The following ZFP2 variants were observed in gnomAD, a reference collection of about 807,000 sequenced individuals.
ZFP2 encodes zinc finger protein ZFP2.
A neutral mutation model predicts 36.1 loss-of-function variants in ZFP2; 33 were observed. That is an observed-to-expected ratio of 0.92 (90% CI 0.69 to 1.22). The LOEUF (loss-of-function observed/expected upper bound fraction) is 1.22. Ranked by LOEUF, ZFP2 falls within the 50% of genes most tolerant of loss-of-function variation. The probability of loss-of-function intolerance (pLI) is 0.00; values close to 1 mark genes in which losing one functional copy is unlikely to be tolerated. For synonymous variants in ZFP2, 170 were observed against 178.0 expected, an observed-to-expected ratio of 0.96 and a Z score of 0.36; for missense variants, 522 against 551.4, an observed-to-expected ratio of 0.95 and a Z score of 0.53.
At chr5:178,930,989 T>C (rs1258673256) in intron 4 of ZFP2, among the ~76,000 whole-genome samples, 2 of 152,348 alleles carry the variant, frequency 1.3e-5, no homozygotes, top group Admixed American at 1.3e-4. Flanking sequence ...CTCACTCTTT[T>C]CTCTGCTTAT....
intron 3 of ZFP2, 127 bp downstream of exon 3, chr5:178,913,198 A>G: frequency 3.0e-6 from 1 of 331,016 alleles, no homozygotes; most frequent in Non-Finnish European, 4.3e-6. Context: ...CCTCCGCATT[A>G]CTGATGGGCC....
At position 178,911,573 on chromosome 5, in the gene ZFP2, G is replaced by A. The variant is rs115211994; in HGVS notation, c.-449-1011G>A. 1.6e-3 allele frequency among the ~76,000 whole-genome samples: 242 copies of A among 152,240 alleles called. 1 individual carries two copies. The highest frequency in any genetic ancestry group is 5.7e-3 in the African/African-American group (236 of 41,556). Reference sequence around the variant, plus strand: ...TGAGTATATGTGAAATAACTGTTACGTTATTAGTAAGGCTTCCAGTCAACA... The same window carrying A: ...TGAGTATATGTGAAATAACTGTTACATTATTAGTAAGGCTTCCAGTCAACA... On this transcript the variant is annotated intron_variant, in intron 1 of 4. Coordinates refer to ENST00000361362, the MANE Select transcript of ZFP2 (RefSeq NM_030613.4).
At chr5:178,901,520 T>A (rs971191393) in intron 1 of ZFP2, among the ~76,000 whole-genome samples, 1 of 152,216 alleles carries the variant, frequency 6.6e-6, no homozygotes, top group African/African-American at 2.4e-5. Flanking sequence ...TCTTTGGTGT[T>A]CCTTGGTTCA....
rs985598978 is a variant in ZFP2, at chr5:178,896,330, A to C, written c.-450+356A>C. ...GGTCAGGGAGGGGCCCAAGGTTCCA[A>C]GAGTCGCTCGGACCCGGGTTCCTCC... On this transcript the variant is annotated intron_variant, in intron 1 of 4. Transcript: ENST00000361362. Among the ~76,000 whole-genome samples, 5 of 152,322 alleles carry C rather than the reference A, an allele frequency of 3.3e-5. No homozygotes were observed. In the Middle Eastern group the frequency reaches 0.014, roughly 414 times the overall value.
chr5:178,908,484 T>C (rs1489769934), intron 1 of ZFP2, among the ~76,000 whole-genome samples: 1 of 151,318 alleles, frequency 6.6e-6, no homozygotes, highest in African/African-American at 2.4e-5. Context: ...ATTTCAACCA[T>C]GTAAATAGCG....
intron 4 of ZFP2, among the ~76,000 whole-genome samples, chr5:178,926,474 G>A (rs1195958753): frequency 6.6e-6 from 1 of 152,024 alleles, no homozygotes; most frequent in Non-Finnish European, 1.5e-5. Flanking sequence ...CCTGTACAGA[G>A]GTGAGGCAAC....
intron 4 of ZFP2, among the ~76,000 whole-genome samples, chr5:178,919,967 GA>G (rs34629379): frequency 0.23 from 33,490 of 145,604 alleles, 3,916 homozygotes; most frequent in Non-Finnish European, 0.25. Context: ...TGTCTCAAAA[GA>G]AAAAAAAAAA....
chr5:178,899,327 A>G (rs1158588707), intron 1 of ZFP2, among the ~76,000 whole-genome samples: 1 of 152,214 alleles, frequency 6.6e-6, no homozygotes, highest in African/African-American at 2.4e-5. Context: ...TTTAATAGTA[A>G]TAGCTACTTC....
chr5:178,904,781 C>A (rs1211450905), intron 1 of ZFP2, among the ~76,000 whole-genome samples: 1 of 144,666 alleles, frequency 6.9e-6, no homozygotes, highest in Non-Finnish European at 1.5e-5. Context: ...TGGCTCACTG[C>A]AACCTCTGCC....
At chr5:178,909,684 C>G (rs2113075207) in intron 1 of ZFP2, 1 of 1,475,588 alleles carries the variant, frequency 6.8e-7, no homozygotes, top group Middle Eastern at 2.0e-4. Flanking sequence ...CAGATCCTTG[C>G]TGCTGCTCCT....
At position 178,932,467 on chromosome 5, in the gene ZFP2, A is replaced by G. The variant is rs762817035; in HGVS notation, c.1154A>G (p.Asn385Ser). The change falls in exon 5 of 5, where the codon AAT (asparagine) becomes AGT (serine). Residue 385 changes from asparagine (N) to serine (S), a missense_variant. Coordinates refer to ENST00000361362, the MANE Select transcript of ZFP2 (RefSeq NM_030613.4). ...IHTGEKPYEC[N>S]ECGKAFSQSA... Reference sequence around the variant, plus strand: ...ACTGGAGAGAAACCTTATGAGTGCAATGAATGTGGAAAGGCATTCAGCCAG... The same window carrying G: ...ACTGGAGAGAAACCTTATGAGTGCAGTGAATGTGGAAAGGCATTCAGCCAG... 1.9e-6 allele frequency: 3 copies of G among 1,614,016 alleles called. No homozygotes were observed. The highest frequency in any genetic ancestry group is 1.6e-4 in the Middle Eastern group (1 of 6,068).
At chr5:178,909,493 C>A (rs1424110139) in intron 1 of ZFP2, among the ~76,000 whole-genome samples, 1 of 152,148 alleles carries the variant, frequency 6.6e-6, no homozygotes, top group East Asian at 1.9e-4. Context: ...AGCATTGGCC[C>A]CCTGGTCCCA....
intron 1 of ZFP2, among the ~76,000 whole-genome samples, chr5:178,910,847 C>T (rs1254735583): frequency 6.6e-6 from 1 of 152,186 alleles, no homozygotes; most frequent in Non-Finnish European, 1.5e-5. Flanking sequence ...CCACCACTGC[C>T]ACCGCCTCCT....
intron 1 of ZFP2, chr5:178,909,929 G>A (rs1758254817): frequency 1.4e-6 from 2 of 1,441,234 alleles, no homozygotes; most frequent in South Asian, 1.2e-5. Flanking sequence ...TCCTCAAGGG[G>A]TTCTCTGTTA....
In ZFP2 at chr5:178,925,290, C is replaced by T. The variant is rs188900119; in HGVS notation, c.-77-5947C>T. Among the ~76,000 whole-genome samples the T allele has an allele frequency of 2.7e-5, 4 of 148,800 alleles. No individual in the cohort carries two copies. In the East Asian group the frequency reaches 7.7e-4, roughly 29 times the overall value. ...TATGAACACTTGACGATCTTGTTAT[C>T]CATTTTTTGATGATGGGCATTTGTG... On this transcript the variant is annotated intron_variant, in intron 4 of 4. Transcript: ENST00000361362.
intron 1 of ZFP2, chr5:178,909,904 G>A (rs990430694): frequency 4.2e-5 from 64 of 1,524,908 alleles, no homozygotes; most frequent in Middle Eastern, 1.7e-4. Flanking sequence ...CAAGAGTCCC[G>A]GGAGATGCCC....
chr5:178,932,292 G>A lies in ZFP2; in HGVS notation c.979G>A (p.Glu327Lys). 1 of 1,614,134 alleles carries A rather than the reference G, an allele frequency of 6.2e-7. No individual in the cohort carries two copies. The highest frequency in any genetic ancestry group is 1.1e-5 in the South Asian group (1 of 91,080). The change falls in exon 5 of 5, where the codon GAA (glutamate) becomes AAA (lysine). Residue 327 changes from glutamate to lysine, a missense_variant. Glu to Lys is a moderately conservative substitution (Grantham distance 56). Transcript: ENST00000361362. ...QRLHSGVKPF[E>K]CNECGKAFSK... ...ACTTCATTCTGGAGTAAAACCTTTT[G>A]AATGTAACGAGTGTGGAAAAGCTTT...
intron 1 of ZFP2, among the ~76,000 whole-genome samples, chr5:178,896,291 C>T (rs1339057464): frequency 6.6e-6 from 1 of 152,210 alleles, no homozygotes; most frequent in Admixed American, 6.5e-5. Context: ...ACAAGGGCCA[C>T]GCCGGCCACC....
At position 178,922,509 on chromosome 5, in the gene ZFP2, C is replaced by T. The variant is rs1758577350; in HGVS notation, c.-78+5799C>T. On this transcript the variant is annotated intron_variant, in intron 4 of 4. Coordinates refer to ENST00000361362, the MANE Select transcript of ZFP2 (RefSeq NM_030613.4). The stretch of plus-strand genomic sequence containing the variant: ...GTTTTCAGTAGAAATGGAGTTACAT[C>T]CATATGGGAGAATAGTCTCCAGATC... 4 of 1,378,646 alleles carry T rather than the reference C, an allele frequency of 2.9e-6. No individual in the cohort carries two copies. The South Asian group carries it at 4.6e-5, about 16-fold the overall frequency. 85.4% of individuals were successfully genotyped at this position (1,378,646 alleles called of 1,614,324 possible). A position where few individuals can be genotyped will look rare whatever the true frequency, so the allele number is the denominator to read the frequency against.
Sources: allele counts gnomAD v4.1 joint callset (sites outside exome capture counted in the v4.1 genomes callset), GRCh38; gene constraint gnomAD v4.1.1; transcripts MANE v1.5; gene names NCBI Gene and HGNC (gene_info 2026-07-23, HGNC 2026-07-21).